Variants in SORCS2 observed in about 807,000 individuals in gnomAD.
The protein encoded by SORCS2 is sortilin related VPS10 domain containing receptor 2, also known as VPS10 domain-containing receptor SorCS2.
A neutral mutation model predicts 141.6 loss-of-function variants in SORCS2; 100 were observed. The observed-to-expected ratio is 0.71, with a 90% CI of 0.60 to 0.83. SORCS2 has a LOEUF of 0.83. Ranked by LOEUF, SORCS2 falls within the 40% of genes least tolerant of loss-of-function variation. The pLI, the probability that SORCS2 is intolerant of heterozygous loss-of-function variation, is 0.00. For synonymous variants in SORCS2, 789 were observed against 676.9 expected (o/e 1.17, Z -2.57); for missense variants, 1,646 against 1,560.2 (o/e 1.05, Z -0.93).
intron 4 of SORCS2, among the ~76,000 whole-genome samples, chr4:7,641,858 G>T (rs10937847): frequency 0.06 from 4,284 of 71,992 alleles, 217 homozygotes; most frequent in Non-Finnish European, 0.1. Context: ...ATGAATGGAT[G>T]GATGGGTGGG....
intron 2 of SORCS2, among the ~76,000 whole-genome samples, chr4:7,528,660 A>G (rs1199972105): frequency 1.3e-5 from 2 of 152,098 alleles, no homozygotes; most frequent in African/African-American, 4.8e-5. Flanking sequence ...TCCTGACCTC[A>G]GGCCTCAGCC....
chr4:7,416,324 C>T (rs865909893), intron 2 of SORCS2, among the ~76,000 whole-genome samples: 1 of 152,166 alleles, frequency 6.6e-6, no homozygotes, highest in Non-Finnish European at 1.5e-5. Flanking sequence ...CAATAGGGTG[C>T]TTGGCCCACA....
At chr4:7,468,646 G>T (rs935175299) in intron 2 of SORCS2, among the ~76,000 whole-genome samples, 1 of 152,200 alleles carries the variant, frequency 6.6e-6, no homozygotes, top group Non-Finnish European at 1.5e-5. Context: ...CTGGCATGGC[G>T]CTTCACCCAG....
chr4:7,446,605 C>A (rs1728018610), intron 2 of SORCS2, among the ~76,000 whole-genome samples: 1 of 152,154 alleles, frequency 6.6e-6, no homozygotes, highest in African/African-American at 2.4e-5. Context: ...CCCAGCATGA[C>A]CCTGAGCAGC....
At chr4:7,649,572 C>T (rs773857808) in intron 4 of SORCS2, among the ~76,000 whole-genome samples, 1 of 152,032 alleles carries the variant, frequency 6.6e-6, no homozygotes, top group Non-Finnish European at 1.5e-5. Flanking sequence ...ACAGTTGCAT[C>T]TGAAGCGTGG....
intron 2 of SORCS2, among the ~76,000 whole-genome samples, chr4:7,468,490 A>T (rs1729756245): frequency 6.6e-6 from 1 of 152,202 alleles, no homozygotes; most frequent in South Asian, 2.1e-4. Context: ...AGCGTCGAGG[A>T]TGGGGGTTAC....
chr4:7,291,511 A>G (rs1167770975), intron 1 of SORCS2, among the ~76,000 whole-genome samples: 1 of 151,796 alleles, frequency 6.6e-6, no homozygotes, highest in Non-Finnish European at 1.5e-5. Flanking sequence ...CCTGGGAGAG[A>G]GAGATCACAT....
chr4:7,643,079 GCC>G (rs1386437107), intron 4 of SORCS2, among the ~76,000 whole-genome samples: 2 of 152,122 alleles, frequency 1.3e-5, no homozygotes, highest in African/African-American at 4.8e-5. Flanking sequence ...CGCCCGCCCT[GCC>G]TCCAGCAAAC....
intron 3 of SORCS2, among the ~76,000 whole-genome samples, chr4:7,535,785 C>A (rs1712070145): frequency 1.3e-5 from 2 of 151,700 alleles, no homozygotes; most frequent in South Asian, 4.1e-4. Flanking sequence ...GGCCATGGAA[C>A]AGAGGCCTCA....
chr4:7,673,692 AAC>A (rs1722925491), intron 8 of SORCS2, among the ~76,000 whole-genome samples: 2 of 152,198 alleles, frequency 1.3e-5, no homozygotes, highest in Non-Finnish European at 2.9e-5. Context: ...TAGATTGTAG[AAC>A]ACATTTACCC....
At chr4:7,511,393 T>G (rs546552213) in intron 2 of SORCS2, among the ~76,000 whole-genome samples, 6 of 89,666 alleles carry the variant, frequency 6.7e-5, no homozygotes, top group Non-Finnish European at 1.3e-4. Context: ...AAGCCAGAGA[T>G]CCCTGCAGAG....
intron 3 of SORCS2, among the ~76,000 whole-genome samples, chr4:7,606,612 G>A (rs576686877): frequency 1.2e-4 from 18 of 152,182 alleles, no homozygotes; most frequent in Admixed American, 5.2e-4. Context: ...CTTGAGGGCC[G>A]CCTCTGTGGG....
chr4:7,728,257 C>T (rs1462456063), intron 21 of SORCS2, 93 bp from the exon 22 acceptor site: 2 of 847,022 alleles, frequency 2.4e-6, no homozygotes, highest in Non-Finnish European at 3.8e-6. Context: ...CCGGGACCAT[C>T]CAGGGCATGT....
chr4:7,310,558 A>G (rs1718119131), intron 1 of SORCS2: 1 of 154,292 alleles, frequency 6.5e-6, no homozygotes. Context: ...GAACCACCAT[A>G]CTAGTTGCCC....
intron 2 of SORCS2, among the ~76,000 whole-genome samples, chr4:7,420,476 ACAG>A (rs1725967170): frequency 6.6e-6 from 1 of 152,182 alleles, no homozygotes; most frequent in Admixed American, 6.5e-5. Flanking sequence ...TCCAGTTGGC[ACAG>A]CAGCCAGTGG....
intron 21 of SORCS2, 27 bp downstream of exon 21, chr4:7,726,930 A>G (rs749175163): frequency 1.3e-6 from 2 of 1,599,982 alleles, no homozygotes; most frequent in South Asian, 1.1e-5. Flanking sequence ...GTCTGGCAGC[A>G]CGGCCTCTGC....
chr4:7,474,091 G>A, intron 2 of SORCS2, among the ~76,000 whole-genome samples: 1 of 152,282 alleles, frequency 6.6e-6, no homozygotes, highest in South Asian at 2.1e-4. Context: ...TCAGAGCTGG[G>A]GACTCTGTGG....
chr4:7,533,607 A>G (rs1431959335), intron 3 of SORCS2, among the ~76,000 whole-genome samples: 1 of 152,214 alleles, frequency 6.6e-6, no homozygotes. Flanking sequence ...TGGTACCTCC[A>G]GGGTCAGCCC....
At chr4:7,597,459 G>C (rs1055800449) in intron 3 of SORCS2, among the ~76,000 whole-genome samples, 3 of 143,916 alleles carry the variant, frequency 2.1e-5, no homozygotes, top group Non-Finnish European at 4.5e-5. Context: ...CAATAGGGAA[G>C]AGGACTATCG....
Sources: allele counts gnomAD v4.1 joint callset (sites outside exome capture counted in the v4.1 genomes callset), GRCh38; gene constraint gnomAD v4.1.1; transcripts MANE v1.5; gene names NCBI Gene and HGNC (gene_info 2026-07-23, HGNC 2026-07-21).